Variants in MTMR9 observed in about 807,000 individuals in gnomAD.
The protein encoded by MTMR9 is myotubularin related protein 9, also known as myotubularin-related protein 9.
MTMR9 carries 39 observed loss-of-function variants against 69.5 expected under a neutral mutation model. That is an observed-to-expected ratio of 0.56 (90% CI 0.43 to 0.73). MTMR9 has a LOEUF of 0.73. MTMR9 is among the 30% of genes least tolerant of loss of function. The pLI is 0.00. For missense variants in MTMR9, 900 were observed against 671.2 expected (o/e 1.34, Z -3.77); for synonymous variants, 354 against 240.8 (o/e 1.47, Z -4.35).
rs1185816531 is a variant in MTMR9 at position 11,295,262 on chromosome 8, C to T, written c.251C>T (p.Pro84Leu). The T allele has an allele frequency of 1.2e-6, 2 of 1,610,664 alleles. No homozygotes were observed. The highest frequency in any genetic ancestry group is 2.2e-5 in the South Asian group (2 of 90,846). The change falls in exon 2 of 10, where the codon CCT becomes CTT. Residue 84 changes from proline (P) to leucine (L), a missense_variant. Coordinates refer to ENST00000221086, the MANE Select transcript of MTMR9 (RefSeq NM_015458.4). Reference sequence around the variant, plus strand: ...TTTCGAATTATTCAGTTGGATATTCCTGGAATGGAGGAATGCTTGAATATA... The same window carrying T: ...TTTCGAATTATTCAGTTGGATATTCTTGGAATGGAGGAATGCTTGAATATA... ...KDFRIIQLDI[P>L]GMEECLNIAS...
At chr8:11,291,117 A>G (rs747479772) in intron 1 of MTMR9, among the ~76,000 whole-genome samples, 2 of 152,146 alleles carry the variant, frequency 1.3e-5, no homozygotes, top group Non-Finnish European at 1.5e-5. Context: ...GTGCAGTACT[A>G]TTAACTAGAC....
intron 1 of MTMR9, among the ~76,000 whole-genome samples, chr8:11,285,630 A>G (rs894010932): frequency 2.0e-5 from 3 of 152,076 alleles, no homozygotes; most frequent in Non-Finnish European, 2.9e-5. Flanking sequence ...TCTTTACTCA[A>G]TTCTGCTTGC....
intron 8 of MTMR9, chr8:11,319,214 C>G (rs1800557379): frequency 1.3e-5 from 2 of 152,230 alleles, no homozygotes; most frequent in South Asian, 2.1e-4. Context: ...TTCTGCACAA[C>G]AAGCCCTTTC....
chr8:11,324,480 G>A lies in MTMR9; in HGVS notation c.*1692G>A, dbSNP rs1350803913. 3 of 147,742 alleles carry A rather than the reference G, an allele frequency of 2.0e-5. No homozygotes were observed. Among genetic ancestry groups the A allele is most frequent in the Non-Finnish European group, 4.4e-5 (3 of 67,566 alleles). 9.2% of individuals were successfully genotyped at this position (147,742 alleles called of 1,614,324 possible). Reference sequence around the variant, plus strand: ...ATAAGAGATGTTCTCGTAGCTCTGCGTTGTGTGAAATGTCCATCTTAGTTT... The same window carrying A: ...ATAAGAGATGTTCTCGTAGCTCTGCATTGTGTGAAATGTCCATCTTAGTTT... On this transcript the variant is annotated 3_prime_UTR_variant, in exon 10 of 10. Transcript: ENST00000221086.
At chr8:11,330,033 C>T (rs556628799), downstream of MTMR9, among the ~76,000 whole-genome samples, 102 of 149,634 alleles carry the variant, frequency 6.8e-4, 1 homozygote, top group African/African-American at 5.7e-4. Flanking sequence ...AGGAGCACCC[C>T]GCCCGGCAGC....
chr8:11,321,676 C>A, intron 9 of MTMR9: 1 of 305,046 alleles, frequency 3.3e-6, no homozygotes, highest in South Asian at 2.9e-5. Flanking sequence ...GCTCTTCGGC[C>A]TTAAAATATC....
chr8:11,306,546 AT>A (rs140635245), intron 5 of MTMR9, 139 bp downstream of exon 5: 348 of 719,154 alleles, frequency 4.8e-4, no homozygotes, highest in Middle Eastern at 8.0e-4. Context: ...CCATCTTCTC[AT>A]TTTTTTTTGG....
At chr8:11,293,194 C>G (rs1799427122) in intron 1 of MTMR9, among the ~76,000 whole-genome samples, 1 of 152,020 alleles carries the variant, frequency 6.6e-6, no homozygotes, top group South Asian at 2.1e-4. Context: ...TAGGCCTAGG[C>G]TAATGTGTGT....
the MTMR9 span, among the ~76,000 whole-genome samples, chr8:11,337,313 A>G: frequency 2.0e-5 from 3 of 152,226 alleles, no homozygotes; most frequent in Non-Finnish European, 4.4e-5. Flanking sequence ...AAAAAGGGTC[A>G]TGATGCATCA....
intron 5 of MTMR9, among the ~76,000 whole-genome samples, chr8:11,307,901 G>A (rs149956946): frequency 1.6e-4 from 25 of 151,920 alleles, no homozygotes; most frequent in Admixed American, 5.9e-4. Flanking sequence ...CAGGTTTTGT[G>A]TTTTCTTGCT....
downstream of MTMR9, chr8:11,332,140 C>G (rs373198531): frequency 2.5e-6 from 4 of 1,610,438 alleles, no homozygotes; most frequent in African/African-American, 5.4e-5. Context: ...ACTTGGGAGC[C>G]CGGGGGTTGG....
downstream of MTMR9, chr8:11,331,467 G>A (rs1801222961): frequency 4.3e-6 from 7 of 1,613,940 alleles, no homozygotes; most frequent in Non-Finnish European, 5.9e-6. Flanking sequence ...TGCCTACAGT[G>A]CAGTTCAGGT....
At chr8:11,319,039 A>G (rs1334870500) in intron 8 of MTMR9, 1 of 152,216 alleles carries the variant, frequency 6.6e-6, no homozygotes, top group Admixed American at 6.5e-5. Flanking sequence ...CCACTACAGA[A>G]CTTACTCATG....
At position 11,289,207 on chromosome 8, in the gene MTMR9, G is replaced by A. The variant is rs139604932; in HGVS notation, c.182+4137G>A. ...AAACAAACAAACAAAAAACAGTAGT[G>A]TAGTCACAAGGAATCTGATTTGGGA... On this transcript the variant is annotated intron_variant, in intron 1 of 9. Coordinates refer to ENST00000221086, the MANE Select transcript of MTMR9 (RefSeq NM_015458.4). Among the ~76,000 whole-genome samples, 711 of 152,242 alleles carry A rather than the reference G, an allele frequency of 4.7e-3. 2 individuals are homozygous for A. The highest frequency in any genetic ancestry group is 0.016 in the African/African-American group (684 of 41,548).
At chr8:11,307,563 A>G (rs1420942142) in intron 5 of MTMR9, among the ~76,000 whole-genome samples, 2 of 152,206 alleles carry the variant, frequency 1.3e-5, no homozygotes, top group Admixed American at 6.5e-5. Flanking sequence ...ATATTTACCC[A>G]GAAGTGGGAT....
chr8:11,303,127 G>A (rs1352627438), intron 3 of MTMR9, among the ~76,000 whole-genome samples: 2 of 149,632 alleles, frequency 1.3e-5, no homozygotes, highest in African/African-American at 5.0e-5. Flanking sequence ...AAGACCAAAA[G>A]ACCAAGAGGA....
At chr8:11,331,994 G>A (rs747070825), downstream of MTMR9, 1 of 1,611,926 alleles carries the variant, frequency 6.2e-7, no homozygotes. Context: ...CCCTTATACT[G>A]CAGTATTATA....
downstream of MTMR9, chr8:11,331,509 A>G: frequency 6.2e-7 from 1 of 1,613,248 alleles, no homozygotes; most frequent in East Asian, 2.2e-5. Context: ...CACTGTTCGC[A>G]AAGGTTCTTC....
At chr8:11,301,421 C>T (rs1160277223) in intron 3 of MTMR9, among the ~76,000 whole-genome samples, 1 of 152,136 alleles carries the variant, frequency 6.6e-6, no homozygotes, top group African/African-American at 2.4e-5. Flanking sequence ...GCTTTTTCAA[C>T]CAATAGTATT....
Sources: allele counts gnomAD v4.1 joint callset (sites outside exome capture counted in the v4.1 genomes callset), GRCh38; gene constraint gnomAD v4.1.1; transcripts MANE v1.5; gene names NCBI Gene and HGNC (gene_info 2026-07-23, HGNC 2026-07-21).